The following ELMO1 variants were observed in gnomAD, a reference collection of about 807,000 sequenced individuals.
The protein encoded by ELMO1 is engulfment and cell motility 1, also known as engulfment and cell motility protein 1.
In ELMO1, 26 loss-of-function variants were observed where a neutral mutation model predicts 98.9. The observed-to-expected ratio is 0.26, with a 90% CI of 0.19 to 0.36. ELMO1 has a LOEUF of 0.36. Ranked by LOEUF, ELMO1 falls within the 10% of genes least tolerant of loss-of-function variation. The pLI is 1.00. For synonymous variants in ELMO1, 346 were observed against 346.0 expected, an observed-to-expected ratio of 1.00 and a Z score of 0.00; for missense variants, 627 against 935.2, an observed-to-expected ratio of 0.67 and a Z score of 4.30.
chr7:36,891,546 A>T (rs1236373744), intron 17 of ELMO1, among the ~76,000 whole-genome samples: 1 of 152,202 alleles, frequency 6.6e-6, no homozygotes, highest in Non-Finnish European at 1.5e-5. Flanking sequence ...GCACAGTGTC[A>T]GTTTTATCAT....
chr7:37,255,313 A>G (rs1413212983), intron 6 of ELMO1, among the ~76,000 whole-genome samples: 4 of 152,220 alleles, frequency 2.6e-5, no homozygotes, highest in African/African-American at 9.6e-5. Flanking sequence ...GAGGACAGAG[A>G]GAGAAGGCAG....
intron 15 of ELMO1, among the ~76,000 whole-genome samples, chr7:37,084,176 G>C (rs541588939): frequency 6.6e-6 from 1 of 152,280 alleles, no homozygotes; most frequent in East Asian, 1.9e-4. Flanking sequence ...CCCTGAGGAG[G>C]AGCGGGAGGG....
chr7:37,421,404 T>C (rs1194457781), intron 1 of ELMO1, among the ~76,000 whole-genome samples: 1 of 152,236 alleles, frequency 6.6e-6, no homozygotes, highest in African/African-American at 2.4e-5. Context: ...GGGCTCAAAA[T>C]TGCTTGCACC....
At chr7:37,278,243 G>A (rs1796957946) in intron 4 of ELMO1, among the ~76,000 whole-genome samples, 1 of 149,962 alleles carries the variant, frequency 6.7e-6, no homozygotes, top group East Asian at 2.0e-4. Context: ...TTGCTGTAAG[G>A]TATTTTGTAT....
chr7:36,983,850 T>C (rs193036884), intron 16 of ELMO1, among the ~76,000 whole-genome samples: 6 of 152,290 alleles, frequency 3.9e-5, no homozygotes, highest in African/African-American at 1.4e-4. Flanking sequence ...ATCAAAGTGT[T>C]ATGTGTTTGT....
chr7:37,049,313 C>T (rs17170854), intron 15 of ELMO1, among the ~76,000 whole-genome samples: 19,008 of 152,060 alleles, frequency 0.13, 1,338 homozygotes, highest in Middle Eastern at 0.21. Flanking sequence ...GCTCTTGGGC[C>T]GGGATTCTTC....
chr7:37,003,934 T>C (rs1309173514), intron 16 of ELMO1, among the ~76,000 whole-genome samples: 3 of 152,222 alleles, frequency 2.0e-5, no homozygotes, highest in Non-Finnish European at 4.4e-5. Context: ...GTACCCTCAG[T>C]TGGCAATAGG....
chr7:37,028,823 A>G (rs1455673711), intron 15 of ELMO1, among the ~76,000 whole-genome samples: 1 of 152,194 alleles, frequency 6.6e-6, no homozygotes, highest in East Asian at 1.9e-4. Flanking sequence ...TAAACAAGAC[A>G]CCAAATCCAT....
chr7:37,226,192 TGAA>T (rs1793866310), intron 8 of ELMO1, among the ~76,000 whole-genome samples: 1 of 152,174 alleles, frequency 6.6e-6, no homozygotes, highest in Non-Finnish European at 1.5e-5. Context: ...GGAAATAATG[TGAA>T]GAAGTGCAGT....
chr7:37,206,652 C>T (rs1310355257), intron 13 of ELMO1, among the ~76,000 whole-genome samples: 1 of 152,088 alleles, frequency 6.6e-6, no homozygotes, highest in Non-Finnish European at 1.5e-5. Context: ...GTAGAAAATC[C>T]TCTTAAAAAT....
intron 16 of ELMO1, among the ~76,000 whole-genome samples, chr7:36,908,719 G>A (rs1784137877): frequency 6.6e-6 from 1 of 152,178 alleles, no homozygotes; most frequent in Non-Finnish European, 1.5e-5. Flanking sequence ...ACCTTACCAT[G>A]TATCTCATCT....
At chr7:36,885,959 C>T (rs965099887) in intron 18 of ELMO1, among the ~76,000 whole-genome samples, 7 of 152,212 alleles carry the variant, frequency 4.6e-5, no homozygotes, top group African/African-American at 1.2e-4. Context: ...ATCCCCATTT[C>T]GGATGGGGAA....
At chr7:37,441,315 A>G (rs546761120) in intron 1 of ELMO1, among the ~76,000 whole-genome samples, 9 of 152,268 alleles carry the variant, frequency 5.9e-5, no homozygotes, top group Non-Finnish European at 8.8e-5. Context: ...AGCCAAGCAG[A>G]GAAGGTAAAT....
chr7:36,968,557 A>G (rs553967813), intron 16 of ELMO1, among the ~76,000 whole-genome samples: 1 of 152,294 alleles, frequency 6.6e-6, no homozygotes, highest in African/African-American at 2.4e-5. Context: ...CACCCATTAA[A>G]TTCATTAATA....
intron 13 of ELMO1, among the ~76,000 whole-genome samples, chr7:37,140,503 C>T (rs957252835): frequency 6.6e-6 from 1 of 152,030 alleles, no homozygotes; most frequent in African/African-American, 2.4e-5. Flanking sequence ...AACCCAAAAG[C>T]AAATGCAACA....
chr7:37,411,245 GCAAA>G (rs1368545100), intron 1 of ELMO1, among the ~76,000 whole-genome samples: 1 of 152,190 alleles, frequency 6.6e-6, no homozygotes, highest in African/African-American at 2.4e-5. Context: ...CCACATCTTA[GCAAA>G]CAAAGTTCCC....
At chr7:37,072,608 A>G (rs1797340069) in intron 15 of ELMO1, among the ~76,000 whole-genome samples, 1 of 152,218 alleles carries the variant, frequency 6.6e-6, no homozygotes, top group Non-Finnish European at 1.5e-5. Context: ...CTACGTAAGT[A>G]AAACCACCAC....
intron 13 of ELMO1, among the ~76,000 whole-genome samples, chr7:37,168,092 T>C (rs1789855372): frequency 2.0e-5 from 3 of 151,930 alleles, no homozygotes. Context: ...ATTCATTTCA[T>C]CTTCCATCAC....
At chr7:36,999,110 T>A (rs1034476927) in intron 16 of ELMO1, among the ~76,000 whole-genome samples, 2 of 151,910 alleles carry the variant, frequency 1.3e-5, no homozygotes, top group African/African-American at 4.8e-5. Context: ...GGCCACAGCA[T>A]TGTCTAGGAG....
Sources: allele counts gnomAD v4.1 joint callset (sites outside exome capture counted in the v4.1 genomes callset), GRCh38; gene constraint gnomAD v4.1.1; transcripts MANE v1.5; gene names NCBI Gene and HGNC (gene_info 2026-07-23, HGNC 2026-07-21).